PIEZO2: variants seen among roughly 807,000 people sequenced by gnomAD.
PIEZO2 encodes the protein piezo type mechanosensitive ion channel component 2, also known as piezo-type mechanosensitive ion channel component 2.
In PIEZO2, 172 loss-of-function variants were observed where a neutral mutation model predicts 337.3. That is an observed-to-expected ratio of 0.51 (90% CI 0.45 to 0.58). The LOEUF is 0.58. Among genes scored for constraint, PIEZO2 ranks in the 20% least tolerant of loss-of-function variants. The pLI is 0.00. For synonymous variants in PIEZO2, 1,251 were observed against 1,228.5 expected (o/e 1.02, Z -0.38); for missense variants, 3,028 against 3,391.3 (o/e 0.89, Z 2.66).
chr18:10,757,052 T>C (rs796717235), intron 27 of PIEZO2, among the ~76,000 whole-genome samples: 18 of 114,174 alleles, frequency 1.6e-4, no homozygotes, highest in African/African-American at 7.0e-4. Context: ...AAATGAGCTA[T>C]GGGGATGTGG....
intron 2 of PIEZO2, among the ~76,000 whole-genome samples, chr18:11,036,245 A>G (rs1568316947): frequency 1.3e-5 from 2 of 152,210 alleles, no homozygotes; most frequent in Admixed American, 1.3e-4. Context: ...ATGTGGTTTC[A>G]CAGCATCTCA....
intron 2 of PIEZO2, among the ~76,000 whole-genome samples, chr18:10,983,057 C>T (rs192523436): frequency 7.0e-4 from 106 of 152,194 alleles, no homozygotes; most frequent in African/African-American, 2.5e-3. Context: ...ACTTATATTC[C>T]TTAGGGAGAG....
rs967220119 is a variant in PIEZO2 at position 10,894,906 on chromosome 18, C to T, written c.329+16280G>A. ...AAGTTGCTGTAGACCCGTATAGATT[C>T]GCTGCCAGCAGCTCGGGATACCTGC... On this transcript the variant is annotated intron_variant, in intron 4 of 55. Transcript: ENST00000674853. The surrounding 1 kb of genome is among the most constrained non-coding windows in gnomAD (Gnocchi z 4.1). 5 of 152,238 alleles carry T rather than the reference C, an allele frequency of 3.3e-5. No individual in the cohort carries two copies. The highest frequency in any genetic ancestry group is 2.1e-4 in the South Asian group (1 of 4,836). 9.4% of individuals were successfully genotyped at this position (152,238 alleles called of 1,614,324 possible). A position where few individuals can be genotyped will look rare whatever the true frequency, so the allele number is the denominator to read the frequency against.
At chr18:11,066,487 C>G (rs2038155652) in intron 1 of PIEZO2, among the ~76,000 whole-genome samples, 1 of 152,142 alleles carries the variant, frequency 6.6e-6, no homozygotes, top group African/African-American at 2.4e-5. Context: ...AAAGACAAAA[C>G]TATTGAAAAT....
chr18:11,012,088 G>A (rs1053700749), intron 2 of PIEZO2, among the ~76,000 whole-genome samples: 10 of 152,136 alleles, frequency 6.6e-5, no homozygotes, highest in Admixed American at 3.3e-4. Flanking sequence ...AAAGTTTTAG[G>A]GGAGAATTTA....
At chr18:10,706,833 T>C (rs892685804) in intron 40 of PIEZO2, among the ~76,000 whole-genome samples, 1 of 152,154 alleles carries the variant, frequency 6.6e-6, no homozygotes, top group Non-Finnish European at 1.5e-5. Flanking sequence ...GGTGACATGT[T>C]AGACTCTGAA....
At chr18:10,692,815 GT>G (rs1034076729) in intron 47 of PIEZO2, among the ~76,000 whole-genome samples, 133 of 152,244 alleles carry the variant, frequency 8.7e-4, no homozygotes, top group African/African-American at 3.0e-3. Context: ...CTCCAATACT[GT>G]TCTTTTTCAA....
At chr18:10,906,810 C>A (rs2029981105) in intron 4 of PIEZO2, among the ~76,000 whole-genome samples, 2 of 152,008 alleles carry the variant, frequency 1.3e-5, no homozygotes, top group Admixed American at 1.3e-4. Flanking sequence ...ATCCTCCCAC[C>A]TAGGCCTCCC....
intron 47 of PIEZO2, 117 bp downstream of exon 47, chr18:10,695,957 C>T (rs2143678167): frequency 1.0e-6 from 1 of 984,088 alleles, no homozygotes; most frequent in Non-Finnish European, 1.6e-6. Flanking sequence ...CGTGGTGCTG[C>T]TGTGCCAAGG....
Position 10,849,896 on chromosome 18 carries a change from A to T in PIEZO2, c.917+5457T>A, listed in dbSNP as rs376024166. ...TTAAACAGACTGTTTTGAATGGTAT[A>T]TTACTGGTCTTAGATTTAGTTATGT... On this transcript the variant is annotated intron_variant, in intron 7 of 55. Coordinates refer to ENST00000674853, the MANE Select transcript of PIEZO2 (RefSeq NM_001378183.1). Among the ~76,000 whole-genome samples, 43 of 152,314 alleles carry T rather than the reference A, an allele frequency of 2.8e-4. 1 individual carries two copies. Among genetic ancestry groups the T allele is most frequent in the African/African-American group, 1.0e-3 (42 of 41,576 alleles).
chr18:10,956,975 A>G (rs531162578), intron 3 of PIEZO2, among the ~76,000 whole-genome samples: 1 of 119,230 alleles, frequency 8.4e-6, no homozygotes, highest in South Asian at 2.5e-4. Flanking sequence ...ATCTCAAAAA[A>G]AAAAAAAAAA....
chr18:10,731,480 G>C lies in PIEZO2; in HGVS notation c.4956C>G (p.Leu1652=). ...QAWITDPKTA[L]RQRHKEKKRS... ...TTTTTTTCTCTTTGTGTCTTTGTCG[G>C]AGTGCTGTTTTAGGATCAGTAATCC... Residue 1652 remains leucine, a synonymous_variant, in exon 36 of 56, where the codon CTC becomes CTG. Transcript: ENST00000674853. 6.5e-7 allele frequency: 1 copy of C among 1,534,152 alleles called. No homozygotes were observed. The highest frequency in any genetic ancestry group is 1.2e-5 in the South Asian group (1 of 83,732).
chr18:11,119,233 C>T (rs994949265), intron 1 of PIEZO2, among the ~76,000 whole-genome samples: 11 of 151,292 alleles, frequency 7.3e-5, no homozygotes, highest in African/African-American at 2.4e-4. Flanking sequence ...CTGCAACCTC[C>T]GCCTCCTGGG....
Position 10,744,189 on chromosome 18 carries a change from C to T in PIEZO2, c.4467G>A (p.Lys1489=). The T allele has an allele frequency of 6.5e-7, 1 of 1,537,012 alleles. No homozygotes were observed. The highest frequency in any genetic ancestry group is 1.2e-5 in the South Asian group (1 of 84,050). ...ACTTCTTCTCTTCCTCAATTCTTGC[C>T]TTTACAGCTTTTACAATTGTGGCCT... is the stretch of plus-strand genomic sequence containing the variant. ...LFQATIVKAV[K]ARIEEEKKSM... Residue 1489 remains lysine (K), a synonymous_variant, in exon 31 of 56, where the codon AAG becomes AAA. Coordinates refer to ENST00000674853, the MANE Select transcript of PIEZO2 (RefSeq NM_001378183.1).
At position 11,148,296 on chromosome 18, in the gene PIEZO2, T is replaced by C. The variant is rs1384487050; in HGVS notation, c.64+229A>G. 1.3e-5 allele frequency among the ~76,000 whole-genome samples: 2 copies of C among 152,180 alleles called. No homozygotes were observed. Among genetic ancestry groups the C allele is most frequent in the East Asian group, 3.9e-4 (2 of 5,178 alleles). On this transcript the variant is annotated intron_variant, in intron 1 of 55. Transcript: ENST00000674853. This position sits in a 1 kb window ranked among gnomAD's most constrained non-coding sequence, Gnocchi z 5.2. ...GTAACTAAATTCAACATAAACAGTT[T>C]CCAGCACATGCCCGTCCCGAGCATC...
Position 10,759,389 on chromosome 18 carries a change from G to T in PIEZO2, c.3757+93C>A. 1 of 1,061,440 alleles carries T rather than the reference G, an allele frequency of 9.4e-7. No homozygotes were observed. The highest frequency in any genetic ancestry group is 1.4e-6 in the Non-Finnish European group (1 of 725,980). The allele number at this position is 1,061,440 out of a possible 1,614,324, so 65.8% of individuals were successfully genotyped here. On this transcript the variant is annotated intron_variant, in intron 26 of 55. Transcript: ENST00000674853. The surrounding 1 kb of genome is among the most constrained non-coding windows in gnomAD (Gnocchi z 5.5). ...CTTTACATGATTACGAAGTCTAGTGGAAGACAAAAGGCACTAATGCATAGC... is the reference window on the plus strand; with the variant it reads ...CTTTACATGATTACGAAGTCTAGTGTAAGACAAAAGGCACTAATGCATAGC...
intron 1 of PIEZO2, among the ~76,000 whole-genome samples, chr18:11,067,347 A>T (rs2038186412): frequency 6.6e-6 from 1 of 152,202 alleles, no homozygotes; most frequent in Non-Finnish European, 1.5e-5. Flanking sequence ...CCAATGGAGA[A>T]ATCTAGCAAT....
chr18:10,895,251 G>C lies in PIEZO2; in HGVS notation c.329+15935C>G, dbSNP rs760047685. ...ACTTGAGGTCAGGAGATCGAGACCA[G>C]CCTGGCCAACATGGTGAAACCCCAT... On this transcript the variant is annotated intron_variant, in intron 4 of 55. Coordinates refer to ENST00000674853, the MANE Select transcript of PIEZO2 (RefSeq NM_001378183.1). The surrounding 1 kb of genome is among the most constrained non-coding windows in gnomAD (Gnocchi z 4.8). Among the ~76,000 whole-genome samples the C allele has an allele frequency of 2.1e-4, 32 of 152,220 alleles. No individual in the cohort carries two copies. Among genetic ancestry groups the C allele is most frequent in the Middle Eastern group, 3.4e-3 (1 of 294 alleles).
At chr18:10,981,670 C>T (rs1003261853) in intron 2 of PIEZO2, among the ~76,000 whole-genome samples, 3 of 152,116 alleles carry the variant, frequency 2.0e-5, no homozygotes, top group African/African-American at 7.2e-5. Flanking sequence ...TGTTGCCAAA[C>T]GAGAGATTAA....
Sources: allele counts gnomAD v4.1 joint callset (sites outside exome capture counted in the v4.1 genomes callset), GRCh38; gene constraint gnomAD v4.1.1; non-coding constraint Gnocchi (gnomAD v3.1); transcripts MANE v1.5; gene names NCBI Gene and HGNC (gene_info 2026-07-23, HGNC 2026-07-21).